RPS6KA2: variants seen among roughly 807,000 people sequenced by gnomAD.
RPS6KA2 encodes ribosomal protein S6 kinase alpha-2.
Under a neutral mutation model 91.8 loss-of-function variants are expected in RPS6KA2, and 42 were observed. The ratio of observed to expected loss-of-function variants is 0.46; its 90% CI spans 0.36 to 0.59. RPS6KA2 has a LOEUF of 0.59. Among genes scored for constraint, RPS6KA2 ranks in the 20% least tolerant of loss-of-function variants. The pLI, the probability that RPS6KA2 is intolerant of heterozygous loss-of-function variation, is 0.00. For missense variants in RPS6KA2, 798 were observed against 978.5 expected, an observed-to-expected ratio of 0.82 and a Z score of 2.46; for synonymous variants, 414 against 393.6, an observed-to-expected ratio of 1.05 and a Z score of -0.61.
intron 2 of RPS6KA2, among the ~76,000 whole-genome samples, chr6:166,653,630 T>C (rs1787925012): frequency 6.6e-6 from 1 of 152,178 alleles, no homozygotes; most frequent in African/African-American, 2.4e-5. Flanking sequence ...TTGATAAAAA[T>C]AGCTAATAGC....
chr6:166,823,641 C>G (rs1779960829), intron 2 of RPS6KA2, among the ~76,000 whole-genome samples: 1 of 152,094 alleles, frequency 6.6e-6, no homozygotes, highest in African/African-American at 2.4e-5. Flanking sequence ...ACAGTGGGAG[C>G]AAGAAAGTTC....
intron 3 of RPS6KA2, 127 bp from the exon 4 acceptor site, chr6:166,510,484 T>G: frequency 2.2e-6 from 1 of 462,092 alleles, no homozygotes; most frequent in East Asian, 3.6e-5. Context: ...TATACAAAAC[T>G]TGAAAAAGTT....
At chr6:166,425,241 A>T (rs1476009413) in intron 16 of RPS6KA2, among the ~76,000 whole-genome samples, 1 of 152,096 alleles carries the variant, frequency 6.6e-6, no homozygotes, top group Non-Finnish European at 1.5e-5. Flanking sequence ...AAAAATTATT[A>T]TTCTTTTTAA....
intron 2 of RPS6KA2, among the ~76,000 whole-genome samples, chr6:166,845,676 A>G (rs1262073339): frequency 1.3e-5 from 2 of 152,206 alleles, no homozygotes; most frequent in Admixed American, 6.5e-5. Flanking sequence ...AATAATAGTG[A>G]CACAACTTGT....
chr6:166,856,116 T>C (rs969056425), intron 2 of RPS6KA2, among the ~76,000 whole-genome samples: 8 of 152,210 alleles, frequency 5.3e-5, no homozygotes, highest in Non-Finnish European at 1.2e-4. Flanking sequence ...GATTTTCTGT[T>C]AGTTGTATAC....
intron 1 of RPS6KA2, among the ~76,000 whole-genome samples, chr6:166,552,858 C>T (rs1053472649): frequency 2.0e-5 from 3 of 152,188 alleles, no homozygotes; most frequent in Non-Finnish European, 4.4e-5. Flanking sequence ...AGGGATGGGC[C>T]GATAACCACG....
chr6:166,521,902 G>A (rs1782870200), intron 3 of RPS6KA2, among the ~76,000 whole-genome samples: 2 of 152,190 alleles, frequency 1.3e-5, no homozygotes, highest in South Asian at 2.1e-4. Flanking sequence ...GCCTCCGGGA[G>A]GTGATTAGGT....
intron 2 of RPS6KA2, among the ~76,000 whole-genome samples, chr6:166,638,070 C>T (rs906887881): frequency 2.6e-5 from 4 of 152,272 alleles, no homozygotes; most frequent in African/African-American, 4.8e-5. Context: ...TGTGTGAAAA[C>T]AGCAGCACCA....
intron 3 of RPS6KA2, among the ~76,000 whole-genome samples, chr6:166,528,633 A>G (rs1403078446): frequency 1.3e-5 from 2 of 151,760 alleles, no homozygotes; most frequent in African/African-American, 4.9e-5. Context: ...TCAACAGGCA[A>G]CCTACAGAAT....
chr6:166,452,459 T>A (rs1779948593), intron 12 of RPS6KA2, among the ~76,000 whole-genome samples: 2 of 152,038 alleles, frequency 1.3e-5, no homozygotes, highest in South Asian at 4.1e-4. Flanking sequence ...TTCACAGAAT[T>A]AGAAAAAACA....
chr6:166,715,952 C>T (rs533020640), intron 2 of RPS6KA2, among the ~76,000 whole-genome samples: 3 of 145,860 alleles, frequency 2.1e-5, no homozygotes, highest in African/African-American at 7.7e-5. Context: ...GCAAAAGAAT[C>T]GCTTGAGCCC....
At chr6:166,580,636 A>G (rs1240872552) in intron 1 of RPS6KA2, among the ~76,000 whole-genome samples, 1 of 152,294 alleles carries the variant, frequency 6.6e-6, no homozygotes, top group East Asian at 1.9e-4. Flanking sequence ...CAAACTAAGC[A>G]AAAAGACCTG....
rs1425503587 is a variant in RPS6KA2 at position 166,423,640 on chromosome 6, C to A, written c.1582-223G>T. ...TCACTCACTTCTGAGCTCCTGGTGT[C>A]ACCTGCTTTTACAGTGAATGAATAT... On this transcript the variant is annotated intron_variant, in intron 16 of 20. Transcript: ENST00000265678. The surrounding 1 kb of genome is among the most constrained non-coding windows in gnomAD (Gnocchi z 4.8). Among the ~76,000 whole-genome samples the A allele has an allele frequency of 6.6e-6, 1 of 152,228 alleles. No individual in the cohort carries two copies. The highest frequency in any genetic ancestry group is 1.5e-5 in the Non-Finnish European group (1 of 68,050).
chr6:166,443,126 G>C (rs1230173576), intron 14 of RPS6KA2, among the ~76,000 whole-genome samples: 1 of 152,024 alleles, frequency 6.6e-6, no homozygotes, highest in African/African-American at 2.4e-5. Context: ...ATATAATTCT[G>C]TAATAATACG....
intron 3 of RPS6KA2, among the ~76,000 whole-genome samples, chr6:166,517,969 C>T (rs1216005832): frequency 3.9e-5 from 6 of 152,132 alleles, no homozygotes; most frequent in African/African-American, 1.2e-4. Flanking sequence ...CTGTTCGAGG[C>T]TCTTAGCTCT....
rs778785633 is a variant in RPS6KA2, at chr6:166,538,804, G to C, written c.100-20C>G. Reference sequence around the variant, plus strand: ...TTCTTCCTGCAAGAGAGCGGCACGGGTGAGAAACACACCGCGAGGAGTCCC... The same window carrying C: ...TTCTTCCTGCAAGAGAGCGGCACGGCTGAGAAACACACCGCGAGGAGTCCC... On this transcript the variant is annotated intron_variant, in intron 1 of 20. Coordinates refer to ENST00000265678, the MANE Select transcript of RPS6KA2 (RefSeq NM_021135.6). 2 of 1,365,884 alleles carry C rather than the reference G, an allele frequency of 1.5e-6. No homozygotes were observed. The highest frequency in any genetic ancestry group is 2.1e-6 in the Non-Finnish European group (2 of 955,804). 84.6% of individuals were successfully genotyped at this position (1,365,884 alleles called of 1,614,324 possible).
chr6:166,763,846 G>A (rs549953729), intron 2 of RPS6KA2, among the ~76,000 whole-genome samples: 4 of 152,262 alleles, frequency 2.6e-5, no homozygotes, highest in South Asian at 2.1e-4. Flanking sequence ...GTGCCTGTCC[G>A]TGTACCTCGA....
At chr6:166,615,790 G>C (rs1171718379) in intron 1 of RPS6KA2, among the ~76,000 whole-genome samples, 4 of 152,102 alleles carry the variant, frequency 2.6e-5, no homozygotes, top group Non-Finnish European at 2.9e-5. Context: ...CCCAGGATGG[G>C]CGCTCTGTCC....
At chr6:166,853,961 T>G (rs903455636) in intron 2 of RPS6KA2, among the ~76,000 whole-genome samples, 2 of 152,258 alleles carry the variant, frequency 1.3e-5, no homozygotes, top group Non-Finnish European at 2.9e-5. Flanking sequence ...TCTAGATTTT[T>G]CTTCCACGAC....
Sources: allele counts gnomAD v4.1 joint callset (sites outside exome capture counted in the v4.1 genomes callset), GRCh38; gene constraint gnomAD v4.1.1; non-coding constraint Gnocchi (gnomAD v3.1); transcripts MANE v1.5; gene names NCBI Gene and HGNC (gene_info 2026-07-23, HGNC 2026-07-21).